Variants in NTM observed in about 807,000 individuals in gnomAD.
The protein encoded by NTM is IgLON family member 2.
NTM carries 13 observed loss-of-function variants against 42.1 expected under a neutral mutation model. The observed-to-expected ratio is 0.31, with a 90% CI of 0.20 to 0.49. The LOEUF (loss-of-function observed/expected upper bound fraction) is 0.49. Among genes scored for constraint, NTM ranks in the 20% least tolerant of loss-of-function variants. The pLI is 0.99. For missense variants in NTM, 373 were observed against 452.8 expected, an observed-to-expected ratio of 0.82 and a Z score of 1.60; for synonymous variants, 187 against 179.2, an observed-to-expected ratio of 1.04 and a Z score of -0.35.
intron 1 of NTM, among the ~76,000 whole-genome samples, chr11:131,780,132 C>A (rs1355774910): frequency 6.6e-6 from 1 of 152,162 alleles, no homozygotes; most frequent in Admixed American, 6.5e-5. Context: ...TGGATAACAA[C>A]ATAGCCAAAT....
intron 1 of NTM, among the ~76,000 whole-genome samples, chr11:131,460,090 G>A (rs576395478): frequency 6.6e-6 from 1 of 152,318 alleles, no homozygotes; most frequent in South Asian, 2.1e-4. Context: ...ATATGGGACT[G>A]TATTAACAGA....
intron 1 of NTM, among the ~76,000 whole-genome samples, chr11:131,670,630 C>G (rs2070010515): frequency 6.6e-6 from 1 of 152,096 alleles, no homozygotes; most frequent in Non-Finnish European, 1.5e-5. Flanking sequence ...ACATGTGGTA[C>G]TGGGGCAGGA....
At chr11:131,575,167 G>T (rs1212742039) in intron 1 of NTM, among the ~76,000 whole-genome samples, 1 of 145,984 alleles carries the variant, frequency 6.9e-6, no homozygotes, top group Non-Finnish European at 1.5e-5. Context: ...TCCTCTGAAA[G>T]AGTCACAGTG....
intron 2 of NTM, among the ~76,000 whole-genome samples, chr11:132,075,617 C>T (rs533248018): frequency 2.5e-4 from 38 of 152,264 alleles, no homozygotes; most frequent in Admixed American, 4.6e-4. Flanking sequence ...CTGGATTTTT[C>T]GAGCTATTAT....
At position 131,672,843 on chromosome 11, in the gene NTM, G is replaced by T. The variant is rs56996303; in HGVS notation, c.83-238721G>T. ...TTAAAACAGAGAAGACCACGGTGCC[G>T]GGGTGGGGGTGGGGTGTGACCGTGT... On this transcript the variant is annotated intron_variant, in intron 1 of 8. Coordinates refer to ENST00000683400, the MANE Select transcript of NTM (RefSeq NM_001352005.2). Among the ~76,000 whole-genome samples, 2 of 131,144 alleles carry T rather than the reference G, an allele frequency of 1.5e-5. 1 individual carries two copies. Among genetic ancestry groups the T allele is most frequent in the Non-Finnish European group, 3.3e-5 (2 of 60,754 alleles). The allele number at this position is 131,144 out of a possible 152,430, so 86.0% of individuals were successfully genotyped here. A position where few individuals can be genotyped will look rare whatever the true frequency, so the allele number is the denominator to read the frequency against.
chr11:132,229,012 AT>A (rs2139000667), intron 4 of NTM, among the ~76,000 whole-genome samples: 1 of 152,266 alleles, frequency 6.6e-6, no homozygotes, highest in Admixed American at 6.5e-5. Flanking sequence ...GGTGGTTATG[AT>A]TAGGGAAATA....
intron 1 of NTM, among the ~76,000 whole-genome samples, chr11:131,789,636 A>AGAAGAAGAAGAAGAAAGAAGAAG: frequency 3.2e-5 from 1 of 30,902 alleles, no homozygotes; most frequent in African/African-American, 1.2e-4. Context: ...AAGAAGAAGA[A>AGAAGAAGAAGAAGAAAGAAGAAG]AAGAAGAAGA....
At chr11:131,434,717 A>C (rs1948979022) in intron 1 of NTM, among the ~76,000 whole-genome samples, 1 of 152,114 alleles carries the variant, frequency 6.6e-6, no homozygotes, top group Admixed American at 6.5e-5. Context: ...AGATTGCAAA[A>C]ATTTTCTCCC....
intron 1 of NTM, chr11:131,503,010 C>T (rs1437286197): frequency 6.6e-6 from 1 of 152,362 alleles, no homozygotes; most frequent in Non-Finnish European, 1.5e-5. Context: ...ACAGAGGAAA[C>T]AGACAACTTT....
At chr11:131,409,966 C>A (rs902285682) in intron 1 of NTM, among the ~76,000 whole-genome samples, 1 of 152,082 alleles carries the variant, frequency 6.6e-6, no homozygotes, top group Admixed American at 6.5e-5. Context: ...AAGGAAGATG[C>A]AGGTAGAGGA....
At chr11:132,199,924 G>A (rs957733624) in intron 3 of NTM, among the ~76,000 whole-genome samples, 12 of 151,884 alleles carry the variant, frequency 7.9e-5, no homozygotes, top group Non-Finnish European at 1.6e-4. Flanking sequence ...TAGGTGATGT[G>A]TTTGACAAGC....
intron 2 of NTM, among the ~76,000 whole-genome samples, chr11:131,947,699 A>G (rs1278806889): frequency 6.6e-6 from 1 of 152,158 alleles, no homozygotes; most frequent in Non-Finnish European, 1.5e-5. Flanking sequence ...CTCACATGGA[A>G]GCCAGTCAGT....
chr11:131,742,495 AT>A (rs1344587836), intron 1 of NTM, among the ~76,000 whole-genome samples: 1 of 152,160 alleles, frequency 6.6e-6, no homozygotes, highest in East Asian at 1.9e-4. Context: ...ATCATTTGGT[AT>A]TTGTAATCTG....
At chr11:132,041,210 TGAGA>T (rs1198458029) in intron 2 of NTM, among the ~76,000 whole-genome samples, 3 of 114,450 alleles carry the variant, frequency 2.6e-5, no homozygotes, top group Non-Finnish European at 3.7e-5. Flanking sequence ...TGTGTGTGTG[TGAGA>T]GAGAGAGAGA....
Position 132,109,392 on chromosome 11 carries a change from G to A in NTM, c.168-36890G>A, listed in dbSNP as rs117129804. Among the ~76,000 whole-genome samples, 46 of 152,246 alleles carry A rather than the reference G, an allele frequency of 3.0e-4. No homozygotes were observed. In the East Asian group the frequency reaches 8.7e-3, roughly 29 times the overall value. ...CACCATGTGAGGACACAGCGAGAAT[G>A]TGCCATCCATAAACCGGGCAGTGGG... On this transcript the variant is annotated intron_variant, in intron 2 of 8. Transcript: ENST00000683400.
At chr11:132,054,176 C>G (rs141824476) in intron 2 of NTM, among the ~76,000 whole-genome samples, 4 of 152,158 alleles carry the variant, frequency 2.6e-5, no homozygotes, top group Non-Finnish European at 5.9e-5. Flanking sequence ...GATTATGCCA[C>G]GGTACTCCAG....
At chr11:132,058,340 G>A (rs1446031604) in intron 2 of NTM, among the ~76,000 whole-genome samples, 2 of 152,182 alleles carry the variant, frequency 1.3e-5, no homozygotes, top group Non-Finnish European at 2.9e-5. Context: ...CTCTGGTCCT[G>A]GCTGTGGTGA....
At chr11:131,746,587 C>G (rs1476985866) in intron 1 of NTM, among the ~76,000 whole-genome samples, 1 of 152,152 alleles carries the variant, frequency 6.6e-6, no homozygotes, top group Non-Finnish European at 1.5e-5. Context: ...TTGTCTGTCT[C>G]CTCCTGTACA....
At chr11:132,298,481 C>T (rs1215854481) in intron 4 of NTM, among the ~76,000 whole-genome samples, 1 of 152,112 alleles carries the variant, frequency 6.6e-6, no homozygotes, top group Non-Finnish European at 1.5e-5. Context: ...AGCTGACAGG[C>T]CTCCTGAGAA....
Sources: gnomAD v4.1 joint callset for allele counts (sites outside exome capture counted in the v4.1 genomes callset) on GRCh38, gnomAD v4.1.1 for gene constraint, MANE v1.5 for transcripts, NCBI Gene and HGNC (gene_info 2026-07-23, HGNC 2026-07-21) for gene names.